LRRC37A2: variants seen among roughly 807,000 people sequenced by gnomAD.
The protein encoded by LRRC37A2 is leucine rich repeat containing 37 member A2, also known as leucine-rich repeat-containing protein 37A2.
A neutral mutation model predicts 68.8 loss-of-function variants in LRRC37A2; 9 were observed. The observed-to-expected ratio is 0.13, with a 90% CI of 0.08 to 0.23. The LOEUF (loss-of-function observed/expected upper bound fraction) is 0.23. LRRC37A2 is among the 10% of genes least tolerant of loss of function. The probability of loss-of-function intolerance (pLI) is 1.00; values close to 1 mark genes in which losing one functional copy is unlikely to be tolerated. For missense variants in LRRC37A2, 168 were observed against 950.4 expected, an observed-to-expected ratio of 0.18 and a Z score of 10.82; for synonymous variants, 63 against 367.6, an observed-to-expected ratio of 0.17 and a Z score of 9.48.
At chr17:46,630,931 A>G in the LRRC37A2 span, among the ~76,000 whole-genome samples, 1 of 137,564 alleles carries the variant, frequency 7.3e-6, no homozygotes, top group South Asian at 2.2e-4. Context: ...AAAAAATTGT[A>G]TTTATAGAAA....
the LRRC37A2 span, among the ~76,000 whole-genome samples, chr17:46,788,834 C>T: frequency 2.0e-5 from 3 of 152,186 alleles, no homozygotes; most frequent in African/African-American, 7.2e-5. Flanking sequence ...TCCCAGATCC[C>T]ACAGGCTGTC....
the LRRC37A2 span, among the ~76,000 whole-genome samples, chr17:46,813,262 T>A: frequency 6.6e-6 from 1 of 151,422 alleles, no homozygotes; most frequent in Non-Finnish European, 1.5e-5. Context: ...GACCCCTCCA[T>A]GTGGTTAAGG....
the LRRC37A2 span, among the ~76,000 whole-genome samples, chr17:46,908,621 GT>G: frequency 2.0e-5 from 3 of 152,186 alleles, no homozygotes; most frequent in African/African-American, 4.8e-5. Flanking sequence ...CTGCAGAGAT[GT>G]GGCCGCCATC....
chr17:46,708,502 T>TC, the LRRC37A2 span, among the ~76,000 whole-genome samples: 1 of 148,046 alleles, frequency 6.8e-6, no homozygotes, highest in East Asian at 2.0e-4. Context: ...TTTTTTTTTT[T>TC]TTTTTTTTTG....
At chr17:47,017,289 C>T in the LRRC37A2 span, 4 of 1,609,734 alleles carry the variant, frequency 2.5e-6, no homozygotes, top group Non-Finnish European at 3.4e-6. Flanking sequence ...ATTGTGGCTA[C>T]TAGTCAAGGA....
chr17:46,889,893 C>G, the LRRC37A2 span, among the ~76,000 whole-genome samples: 1 of 152,186 alleles, frequency 6.6e-6, no homozygotes, highest in Admixed American at 6.5e-5. Context: ...AAATGAGGAT[C>G]GAGATACTAA....
chr17:46,766,630 G>T, the LRRC37A2 span, among the ~76,000 whole-genome samples: 2 of 152,068 alleles, frequency 1.3e-5, no homozygotes, highest in African/African-American at 4.8e-5. Flanking sequence ...GAGCTACACC[G>T]AGGGGCTTCC....
chr17:46,731,153 C>T, the LRRC37A2 span, among the ~76,000 whole-genome samples: 1 of 151,844 alleles, frequency 6.6e-6, no homozygotes, highest in Non-Finnish European at 1.5e-5. Flanking sequence ...GAATATTACT[C>T]AGCAATAAAA....
the LRRC37A2 span, among the ~76,000 whole-genome samples, chr17:46,824,768 C>T: frequency 2.6e-5 from 4 of 152,332 alleles, no homozygotes; most frequent in East Asian, 7.7e-4. Context: ...GGGCCACTGA[C>T]TCAGGTCTGG....
chr17:46,992,992 G>T, the LRRC37A2 span, among the ~76,000 whole-genome samples: 10 of 147,882 alleles, frequency 6.8e-5, no homozygotes, highest in African/African-American at 2.5e-4. Context: ...ATACACACAT[G>T]CAAACAGACT....
At chr17:46,774,881 C>A in the LRRC37A2 span, among the ~76,000 whole-genome samples, 10 of 152,172 alleles carry the variant, frequency 6.6e-5, no homozygotes, top group African/African-American at 2.4e-4. Context: ...GTGTCAGTGG[C>A]CTTCAAGGAC....
the LRRC37A2 span, chr17:46,909,966 G>T: frequency 6.6e-6 from 1 of 152,362 alleles, no homozygotes; most frequent in Non-Finnish European, 1.5e-5. Flanking sequence ...CTGAGAGTAT[G>T]GCTCCTGAGC....
the LRRC37A2 span, among the ~76,000 whole-genome samples, chr17:46,772,568 G>A: frequency 1.3e-5 from 2 of 152,240 alleles, no homozygotes; most frequent in African/African-American, 4.8e-5. Flanking sequence ...CAATTAAGAG[G>A]CCAAATCTTT....
the LRRC37A2 span, among the ~76,000 whole-genome samples, chr17:46,873,738 T>C: frequency 1.3e-5 from 2 of 150,668 alleles, no homozygotes; most frequent in African/African-American, 5.0e-5. Context: ...CCGGTTGCCA[T>C]GGCTCACACC....
chr17:46,915,973 C>A, the LRRC37A2 span, among the ~76,000 whole-genome samples: 1 of 152,214 alleles, frequency 6.6e-6, no homozygotes, highest in Non-Finnish European at 1.5e-5. Context: ...GTTGAGCCAC[C>A]TGTGTGGGTC....
the LRRC37A2 span, among the ~76,000 whole-genome samples, chr17:46,840,736 A>G: frequency 6.6e-6 from 1 of 152,080 alleles, no homozygotes; most frequent in Non-Finnish European, 1.5e-5. Context: ...TTTGATTTGC[A>G]TTTCTCTGAT....
At chr17:46,876,221 G>C in the LRRC37A2 span, 1 of 1,574,988 alleles carries the variant, frequency 6.3e-7, no homozygotes, top group South Asian at 1.2e-5. Flanking sequence ...CTCTGACCAC[G>C]CCTCTGTTCT....
At chr17:46,824,000 A>C in the LRRC37A2 span, among the ~76,000 whole-genome samples, 1 of 152,178 alleles carries the variant, frequency 6.6e-6, no homozygotes, top group Non-Finnish European at 1.5e-5. Context: ...CCTCTCTCTC[A>C]GGTCTCTCTT....
the LRRC37A2 span, among the ~76,000 whole-genome samples, chr17:46,925,813 C>T: frequency 6.6e-5 from 10 of 152,282 alleles, no homozygotes; most frequent in African/African-American, 1.9e-4. Context: ...ATTAAAGTTA[C>T]TTGAAAACTC....
Sources: gnomAD v4.1 joint callset for allele counts (sites outside exome capture counted in the v4.1 genomes callset) on GRCh38, gnomAD v4.1.1 for gene constraint, MANE v1.5 for transcripts, NCBI Gene and HGNC (gene_info 2026-07-23, HGNC 2026-07-21) for gene names.